Variants in NRG1 observed in about 807,000 individuals in gnomAD.
The protein encoded by NRG1 is pro-neuregulin-1, membrane-bound isoform.
A neutral mutation model predicts 63.8 loss-of-function variants in NRG1; 18 were observed. The ratio of observed to expected loss-of-function variants is 0.28; its 90% CI spans 0.19 to 0.42. The LOEUF (loss-of-function observed/expected upper bound fraction) is 0.42, where lower values mean the gene tolerates loss of function less well. Ranked by LOEUF, NRG1 falls within the 10% of genes least tolerant of loss-of-function variation. The pLI, the probability that NRG1 is intolerant of heterozygous loss-of-function variation, is 1.00. For synonymous variants in NRG1, 302 were observed against 301.3 expected, an observed-to-expected ratio of 1.00 and a Z score of -0.02; for missense variants, 762 against 814.7, an observed-to-expected ratio of 0.94 and a Z score of 0.79.
intron 7 of NRG1, among the ~76,000 whole-genome samples, chr8:32,773,934 C>T (rs951634129): frequency 6.6e-6 from 1 of 152,146 alleles, no homozygotes; most frequent in Non-Finnish European, 1.5e-5. Context: ...AGTCATTGGC[C>T]TACGAACTTT....
At chr8:32,587,815 T>G (rs371361448) in intron 1 of NRG1, among the ~76,000 whole-genome samples, 58 of 152,298 alleles carry the variant, frequency 3.8e-4, no homozygotes, top group African/African-American at 1.3e-3. Flanking sequence ...ACCCTCCAAA[T>G]AGAGACTGTG....
intron 1 of NRG1, among the ~76,000 whole-genome samples, chr8:31,809,828 C>A (rs1822704419): frequency 7.7e-6 from 1 of 130,198 alleles, no homozygotes; most frequent in African/African-American, 2.9e-5. Flanking sequence ...GACCCGAGTG[C>A]TCTCTTTTAG....
At chr8:32,188,171 A>T (rs969301210) in intron 1 of NRG1, among the ~76,000 whole-genome samples, 19 of 151,662 alleles carry the variant, frequency 1.3e-4, no homozygotes, top group African/African-American at 4.1e-4. Flanking sequence ...GGTTCAAGCT[A>T]TTCTCCTGCC....
At chr8:32,439,594 G>C (rs1819251472) in intron 1 of NRG1, among the ~76,000 whole-genome samples, 2 of 151,910 alleles carry the variant, frequency 1.3e-5, no homozygotes, top group Non-Finnish European at 2.9e-5. Flanking sequence ...TATTTCTTTG[G>C]ACATTACAGG....
intron 1 of NRG1, among the ~76,000 whole-genome samples, chr8:32,143,597 C>T (rs962081509): frequency 6.6e-6 from 1 of 152,168 alleles, no homozygotes; most frequent in East Asian, 1.9e-4. Flanking sequence ...TGGACAAGCA[C>T]GTTTCTCAGG....
At chr8:31,917,026 T>C (rs1833452493) in intron 1 of NRG1, among the ~76,000 whole-genome samples, 1 of 151,942 alleles carries the variant, frequency 6.6e-6, no homozygotes, top group Middle Eastern at 3.4e-3. Context: ...TCTGTTCATG[T>C]CCTTCGCCCA....
At chr8:31,814,439 A>AT (rs1823237974) in intron 1 of NRG1, among the ~76,000 whole-genome samples, 2 of 152,128 alleles carry the variant, frequency 1.3e-5, no homozygotes, top group African/African-American at 4.8e-5. Context: ...CACTTTGTAG[A>AT]TTTTTTGGGA....
intron 1 of NRG1, among the ~76,000 whole-genome samples, chr8:32,349,730 A>G (rs932089164): frequency 3.3e-5 from 5 of 152,170 alleles, no homozygotes; most frequent in Non-Finnish European, 4.4e-5. Flanking sequence ...CTGGAGTCCA[A>G]TTCCCAAAAT....
intron 1 of NRG1, among the ~76,000 whole-genome samples, chr8:31,933,592 A>C (rs1053083834): frequency 1.3e-5 from 2 of 152,130 alleles, no homozygotes; most frequent in Admixed American, 6.5e-5. Flanking sequence ...TATTATCTTC[A>C]TTTTAAATAT....
chr8:32,543,023 C>A (rs1263908027), intron 1 of NRG1, among the ~76,000 whole-genome samples: 1 of 152,142 alleles, frequency 6.6e-6, no homozygotes, highest in African/African-American at 2.4e-5. Flanking sequence ...AAATGGTAAT[C>A]ACTGAACTAG....
At chr8:32,679,113 A>G (rs1397236201) in intron 5 of NRG1, among the ~76,000 whole-genome samples, 2 of 152,100 alleles carry the variant, frequency 1.3e-5, no homozygotes, top group East Asian at 3.9e-4. Context: ...AAAATATAGC[A>G]AGACATCACC....
chr8:31,679,436 A>G (rs1808091243), intron 1 of NRG1, among the ~76,000 whole-genome samples: 1 of 152,242 alleles, frequency 6.6e-6, no homozygotes, highest in Non-Finnish European at 1.5e-5. Flanking sequence ...TGCTGTCTAG[A>G]ACAGTGGGAC....
In NRG1 at chr8:32,742,697, G is replaced by A; in HGVS notation, c.655G>A (p.Asp219Asn). ...CAGGTGCCCAAATGAGTTTACTGGT[G>A]ATCGCTGCCAAAACTACGTAATGGC... is the stretch of plus-strand genomic sequence containing the variant. The change falls in exon 7 of 12, where the codon GAT becomes AAT. Residue 219 changes from aspartate to asparagine, a missense_variant. Asp to Asn is a conservative substitution (Grantham distance 23). Around this residue, in one of 3 missense-constraint regions of NRG1, gnomAD observed 122 missense variants for 190.1 expected, o/e 0.64. Coordinates refer to ENST00000356819, the Ensembl canonical transcript of NRG1. This position sits in a 1 kb window ranked among gnomAD's most constrained non-coding sequence, Gnocchi z 4.2. 1 of 1,613,578 alleles carries A rather than the reference G, an allele frequency of 6.2e-7. No individual in the cohort carries two copies. The highest frequency in any genetic ancestry group is 8.5e-7 in the Non-Finnish European group (1 of 1,179,702).
chr8:32,331,806 C>A (rs1208988891), intron 1 of NRG1, among the ~76,000 whole-genome samples: 1 of 152,104 alleles, frequency 6.6e-6, no homozygotes, highest in Non-Finnish European at 1.5e-5. Flanking sequence ...AGCATGATGA[C>A]CTAGCCTTGA....
intron 1 of NRG1, among the ~76,000 whole-genome samples, chr8:31,935,939 G>C (rs327342): frequency 6.6e-6 from 1 of 152,056 alleles, no homozygotes; most frequent in Non-Finnish European, 1.5e-5. Context: ...TTGAGCTTAG[G>C]AGGAGAATAT....
intron 1 of NRG1, among the ~76,000 whole-genome samples, chr8:32,413,384 C>CTAAA (rs898642755): frequency 3.3e-5 from 5 of 152,130 alleles, no homozygotes; most frequent in Non-Finnish European, 5.9e-5. Context: ...GAGATGGTAA[C>CTAAA]TAAATATACT....
Position 32,696,917 on chromosome 8 carries a change from T to C in NRG1, c.503-31032T>C, listed in dbSNP as rs113398358. On this transcript the variant is annotated intron_variant, in intron 5 of 11. Coordinates refer to ENST00000356819, the Ensembl canonical transcript of NRG1. ...CATCAGGTGATCCACCCACCTCGACTTCCCAAAGTGCTGGGATTACAGGCG... is the reference window on the plus strand; with the variant it reads ...CATCAGGTGATCCACCCACCTCGACCTCCCAAAGTGCTGGGATTACAGGCG... Among the ~76,000 whole-genome samples, 966 of 152,012 alleles carry C rather than the reference T, an allele frequency of 6.4e-3. 10 individuals carry two copies. Among genetic ancestry groups the C allele is most frequent in the African/African-American group, 0.022 (915 of 41,502 alleles).
chr8:32,428,038 T>C (rs934376551), intron 1 of NRG1, among the ~76,000 whole-genome samples: 1 of 152,330 alleles, frequency 6.6e-6, no homozygotes, highest in East Asian at 1.9e-4. Flanking sequence ...GACTGGGGGT[T>C]GTTCTCCACA....
chr8:31,999,220 A>T (rs1256361235), intron 1 of NRG1, among the ~76,000 whole-genome samples: 1 of 152,008 alleles, frequency 6.6e-6, no homozygotes, highest in African/African-American at 2.4e-5. Context: ...GACACTGTTA[A>T]GAAGAAAACA....
Sources: allele counts gnomAD v4.1 joint callset (sites outside exome capture counted in the v4.1 genomes callset), GRCh38; gene constraint gnomAD v4.1.1; regional missense constraint gnomAD v4.1.1; non-coding constraint Gnocchi (gnomAD v3.1); transcripts MANE v1.5; gene names NCBI Gene and HGNC (gene_info 2026-07-23, HGNC 2026-07-21).